The following CYGB variants were observed in gnomAD, a reference collection of about 807,000 sequenced individuals.
CYGB encodes the protein histoglobin.
A neutral mutation model predicts 20.7 loss-of-function variants in CYGB; 13 were observed. The ratio of observed to expected loss-of-function variants is 0.63; its 90% CI spans 0.41 to 1.00. The LOEUF is 1.00. CYGB is among the 50% of genes least tolerant of loss of function. The probability of loss-of-function intolerance (pLI) is 0.00; values close to 1 mark genes in which losing one functional copy is unlikely to be tolerated. For synonymous variants in CYGB, 93 were observed against 107.4 expected, an observed-to-expected ratio of 0.87 and a Z score of 0.83; for missense variants, 218 against 257.2, an observed-to-expected ratio of 0.85 and a Z score of 1.04.
At chr17:76,547,167 G>C (rs2075060419) in intron 1 of CYGB, 1 of 152,338 alleles carries the variant, frequency 6.6e-6, no homozygotes, top group Non-Finnish European at 1.5e-5. Context: ...TTGCCTGCCA[G>C]GTGAGGGGGA....
intron 1 of CYGB, among the ~76,000 whole-genome samples, chr17:76,537,017 G>A (rs535335812): frequency 1.1e-4 from 16 of 152,318 alleles, no homozygotes; most frequent in Middle Eastern, 3.4e-3. Flanking sequence ...CTGAGCCTCG[G>A]TTTTCCCATC....
chr17:76,540,672 C>T (rs921691320), upstream of CYGB: 6 of 1,223,048 alleles, frequency 4.9e-6, no homozygotes, highest in Non-Finnish European at 7.1e-6. The surrounding 1 kb of genome is among the most constrained non-coding windows in gnomAD (Gnocchi z 5.0). Flanking sequence ...CGCGCCTGTG[C>T]GTGCACCGTA....
chr17:76,548,620 G>A lies in CYGB; in HGVS notation c.-53+2242C>T, dbSNP rs1159085681. ...GTCAAGCCCAGGTGGGCTGGAGTGA[G>A]GACGCAGAGGACTAATGATCTCCTC... On this transcript the variant is annotated intron_variant, in intron 1 of 3. Transcript: ENST00000589145. Among the ~76,000 whole-genome samples, 3 of 152,324 alleles carry A rather than the reference G, an allele frequency of 2.0e-5. No homozygotes were observed. The East Asian group carries it at 5.8e-4, about 29-fold the overall frequency.
At chr17:76,529,061 C>A (rs1363673227) in intron 3 of CYGB, 26 of 541,286 alleles carry the variant, frequency 4.8e-5, no homozygotes, top group Non-Finnish European at 6.0e-5. Flanking sequence ...CCCCACCCCC[C>A]ACCCACGCAA....
In CYGB at chr17:76,527,428, C is replaced by T. The variant is rs765400598; in HGVS notation, c.*1150G>A. On this transcript the variant is annotated 3_prime_UTR_variant, in exon 4 of 4. Coordinates refer to ENST00000293230, the MANE Select transcript of CYGB (RefSeq NM_134268.5). ...AACATCAGAAACTAGAAAAGGAGGA[C>T]GGGCGGTTGCACAGATGAGGATGAG... The T allele has an allele frequency of 3.8e-5, 14 of 364,606 alleles. No homozygotes were observed. Among genetic ancestry groups the T allele is most frequent in the African/African-American group, 8.6e-5 (4 of 46,754 alleles). 22.6% of individuals were successfully genotyped at this position (364,606 alleles called of 1,614,324 possible). A position where few individuals can be genotyped will look rare whatever the true frequency, so the allele number is the denominator to read the frequency against.
At chr17:76,529,530 C>G (rs1012173419) in intron 3 of CYGB, 63 of 985,318 alleles carry the variant, frequency 6.4e-5, no homozygotes, top group Non-Finnish European at 7.3e-5. Context: ...CCAGCCAGCT[C>G]TCTTTCCAGT....
chr17:76,536,850 C>T (rs372002731), intron 1 of CYGB, among the ~76,000 whole-genome samples: 4 of 152,290 alleles, frequency 2.6e-5, no homozygotes, highest in South Asian at 2.1e-4. Flanking sequence ...TGGCCCGTGC[C>T]CTCCAGCGGG....
Position 76,532,169 on chromosome 17 carries a change from G to A in CYGB, c.144-478C>T, listed in dbSNP as rs74864460. 2.7e-3 allele frequency: 425 copies of A among 159,896 alleles called. 6 individuals carry two copies. The highest frequency in any genetic ancestry group is 0.022 in the East Asian group (122 of 5,444). The allele number at this position is 159,896 out of a possible 1,614,324, so 9.9% of individuals were successfully genotyped here. A position where few individuals can be genotyped will look rare whatever the true frequency, so the allele number is the denominator to read the frequency against. On this transcript the variant is annotated intron_variant, in intron 1 of 3. Transcript: ENST00000293230. ...ATGGCTCCCTATTGTCTGCCAAAGT[G>A]AAACTCCTTAACCGGGCATTCCAGA...
upstream of CYGB, chr17:76,542,550 T>G: frequency 6.2e-7 from 1 of 1,614,116 alleles, no homozygotes; most frequent in Non-Finnish European, 8.5e-7. Flanking sequence ...TTCCTCTGTT[T>G]AGGGAGAAAG....
At chr17:76,544,192 A>C (rs774760932) in intron 1 of CYGB, 164 of 449,528 alleles carry the variant, frequency 3.6e-4, no homozygotes, top group African/African-American at 1.1e-3. Flanking sequence ...GTCTTCAAAA[A>C]CCCCCCGTGC....
chr17:76,549,536 TAC>T (rs2075087409), intron 1 of CYGB, among the ~76,000 whole-genome samples: 1 of 152,212 alleles, frequency 6.6e-6, no homozygotes, highest in Non-Finnish European at 1.5e-5. Context: ...GGTGAAGTGT[TAC>T]AACCACTTGG....
At chr17:76,539,177 C>G (rs1471042020), upstream of CYGB, among the ~76,000 whole-genome samples, 2 of 152,204 alleles carry the variant, frequency 1.3e-5, no homozygotes, top group Non-Finnish European at 2.9e-5. Context: ...AGACCCATGT[C>G]TCAGCGTGGC....
intron 1 of CYGB, chr17:76,550,724 C>T (rs2075101532): frequency 6.6e-6 from 1 of 152,198 alleles, no homozygotes; most frequent in Non-Finnish European, 1.5e-5. Flanking sequence ...GAGTTAGAAA[C>T]AAAACAAGAA....
upstream of CYGB, among the ~76,000 whole-genome samples, chr17:76,542,358 C>T (rs1205056693): frequency 6.6e-6 from 1 of 152,182 alleles, no homozygotes; most frequent in Non-Finnish European, 1.5e-5. Flanking sequence ...TGGTGGCTGC[C>T]GTGGAAGGCT....
chr17:76,540,925 C>CCCT (rs1004240103), upstream of CYGB, among the ~76,000 whole-genome samples: 10 of 152,242 alleles, frequency 6.6e-5, no homozygotes, highest in African/African-American at 2.2e-4. The surrounding 1 kb of genome is among the most constrained non-coding windows in gnomAD (Gnocchi z 5.0). Context: ...TTGCCCTTCC[C>CCCT]CCTCCTCCTC....
chr17:76,543,209 C>A, intron 1 of CYGB: 1 of 410,754 alleles, frequency 2.4e-6, no homozygotes, highest in South Asian at 1.8e-5. Flanking sequence ...CCTGGCTGGG[C>A]CTGGCAGAAA....
At position 76,528,949 on chromosome 17, in the gene CYGB, G is replaced by A; in HGVS notation, c.540-338C>T. 3 of 1,086,840 alleles carry A rather than the reference G, an allele frequency of 2.8e-6. No individual in the cohort carries two copies. The highest frequency in any genetic ancestry group is 3.3e-6 in the Non-Finnish European group (3 of 896,274). The allele number at this position is 1,086,840 out of a possible 1,614,324, so 67.3% of individuals were successfully genotyped here. ...GCTCTTTTTCCATTAATTCTGAAAC[G>A]TGGCGCATTCTGTCCGGCCTGTCTC... On this transcript the variant is annotated intron_variant, in intron 3 of 3. Transcript: ENST00000293230. The surrounding 1 kb of genome is among the most constrained non-coding windows in gnomAD (Gnocchi z 5.8).
chr17:76,529,254 G>A (rs775642150), intron 3 of CYGB: 131 of 985,298 alleles, frequency 1.3e-4, no homozygotes, highest in Non-Finnish European at 1.5e-4. Flanking sequence ...AGGGACACTA[G>A]GGGTGGGCTA....
intron 3 of CYGB, chr17:76,529,105 A>G (rs2074802456): frequency 1.0e-5 from 10 of 969,890 alleles, no homozygotes; most frequent in Non-Finnish European, 1.2e-5. Flanking sequence ...CGGCTCAATA[A>G]ACAGTGGCGC....
Sources: gnomAD v4.1 joint callset for allele counts (sites outside exome capture counted in the v4.1 genomes callset) on GRCh38, gnomAD v4.1.1 for gene constraint, Gnocchi (gnomAD v3.1) non-coding constraint, MANE v1.5 for transcripts, NCBI Gene and HGNC (gene_info 2026-07-23, HGNC 2026-07-21) for gene names.